The following DIAPH3 variants were observed in gnomAD, a reference collection of about 807,000 sequenced individuals.
DIAPH3 encodes the protein protein diaphanous homolog 3.
Under a neutral mutation model 144.3 loss-of-function variants are expected in DIAPH3, and 117 were observed. That is an observed-to-expected ratio of 0.81 (90% confidence interval 0.70 to 0.95). The LOEUF is 0.95. Among genes scored for constraint, DIAPH3 ranks in the 40% least tolerant of loss-of-function variants. The pLI, the probability that DIAPH3 is intolerant of heterozygous loss-of-function variation, is 0.00. For missense variants in DIAPH3, 1,421 were observed against 1,412.7 expected (o/e 1.01, Z -0.09); for synonymous variants, 519 against 488.9 (o/e 1.06, Z -0.81).
At chr13:59,697,956 T>C (rs1030086621) in intron 27 of DIAPH3, among the ~76,000 whole-genome samples, 6 of 152,372 alleles carry the variant, frequency 3.9e-5, no homozygotes, top group Admixed American at 3.9e-4. Context: ...TAGTTGCTTT[T>C]ACATTCAATT....
rs567660411 is a variant in DIAPH3, at chr13:59,983,165, A to C, written c.1480+604T>G. Among the ~76,000 whole-genome samples, 921 of 139,920 alleles carry C rather than the reference A, an allele frequency of 6.6e-3. 7 individuals carry two copies. The highest frequency in any genetic ancestry group is 0.012 in the Non-Finnish European group (758 of 64,392). 91.8% of individuals were successfully genotyped at this position (139,920 alleles called of 152,430 possible). On this transcript the variant is annotated intron_variant, in intron 13 of 27. Transcript: ENST00000400324. ...AAAAAAAAAAAAAAAAAAAACTCTCAAGTTATAGAAGCCATCGTCTGTATG... is the reference window on the plus strand; with the variant it reads ...AAAAAAAAAAAAAAAAAAAACTCTCCAGTTATAGAAGCCATCGTCTGTATG...
At chr13:59,741,299 G>C (rs964793858) in intron 27 of DIAPH3, among the ~76,000 whole-genome samples, 3 of 152,112 alleles carry the variant, frequency 2.0e-5, no homozygotes, top group African/African-American at 7.2e-5. Context: ...AAATCTGAGT[G>C]AATATCTATA....
intron 1 of DIAPH3, chr13:60,153,506 C>T (rs998838285): frequency 2.0e-5 from 3 of 152,100 alleles, no homozygotes; most frequent in Non-Finnish European, 4.4e-5. Context: ...CTGTGAACTC[C>T]TCAGTCTACA....
At chr13:60,005,461 C>A (rs986383558) in intron 9 of DIAPH3, among the ~76,000 whole-genome samples, 2 of 152,028 alleles carry the variant, frequency 1.3e-5, no homozygotes, top group South Asian at 2.1e-4. Context: ...TGTTAATATA[C>A]AAAAAATATT....
intron 17 of DIAPH3, among the ~76,000 whole-genome samples, chr13:59,946,027 A>G (rs1360177880): frequency 6.6e-6 from 1 of 152,228 alleles, no homozygotes; most frequent in Admixed American, 6.5e-5. Context: ...CATAGTGGAC[A>G]TAAAAAATAA....
intron 13 of DIAPH3, among the ~76,000 whole-genome samples, chr13:59,983,342 C>T (rs1479379283): frequency 6.6e-6 from 1 of 151,354 alleles, no homozygotes; most frequent in Non-Finnish European, 1.5e-5. Context: ...TGGTCATATG[C>T]AGCAGAAGTA....
At chr13:59,751,991 C>A (rs1297064754) in intron 27 of DIAPH3, among the ~76,000 whole-genome samples, 2 of 152,184 alleles carry the variant, frequency 1.3e-5, no homozygotes, top group East Asian at 3.8e-4. Flanking sequence ...ACAGGCAACA[C>A]AGGACAATGG....
chr13:60,149,893 A>T (rs930837374), intron 1 of DIAPH3, among the ~76,000 whole-genome samples: 1 of 152,138 alleles, frequency 6.6e-6, no homozygotes, highest in Non-Finnish European at 1.5e-5. Flanking sequence ...AAAAAATAAT[A>T]AATGTCATCA....
intron 21 of DIAPH3, among the ~76,000 whole-genome samples, chr13:59,863,222 T>C (rs2139943706): frequency 6.6e-6 from 1 of 152,100 alleles, no homozygotes. Context: ...GACTAATAGG[T>C]AATCTGGTAG....
chr13:60,089,652 T>C (rs1287843562), intron 4 of DIAPH3, among the ~76,000 whole-genome samples: 1 of 152,150 alleles, frequency 6.6e-6, no homozygotes, highest in African/African-American at 2.4e-5. Flanking sequence ...ATCACAGTCT[T>C]ACCTTCCAGC....
intron 24 of DIAPH3, among the ~76,000 whole-genome samples, chr13:59,812,227 GACAGTAACTC>G: frequency 6.6e-6 from 1 of 151,944 alleles, no homozygotes; most frequent in African/African-American, 2.4e-5. Context: ...GAGTAGAGGG[GACAGTAACTC>G]ATGCATGCAT....
chr13:59,958,218 T>C (rs1364641430), intron 17 of DIAPH3, among the ~76,000 whole-genome samples: 1 of 152,172 alleles, frequency 6.6e-6, no homozygotes, highest in Non-Finnish European at 1.5e-5. Context: ...AACATATATT[T>C]TCCATGTTGT....
chr13:59,677,058 C>T (rs1387621615), intron 27 of DIAPH3, among the ~76,000 whole-genome samples: 1 of 152,034 alleles, frequency 6.6e-6, no homozygotes, highest in Non-Finnish European at 1.5e-5. Context: ...TCTATGAAGG[C>T]AGGTATCTTG....
intron 27 of DIAPH3, among the ~76,000 whole-genome samples, chr13:59,744,561 T>C (rs139785318): frequency 6.6e-6 from 1 of 152,250 alleles, no homozygotes; most frequent in African/African-American, 2.4e-5. Context: ...AGTGTTAGTA[T>C]ATTTTATGTG....
intron 27 of DIAPH3, among the ~76,000 whole-genome samples, chr13:59,728,057 A>T (rs929597363): frequency 1.9e-5 from 1 of 51,620 alleles, no homozygotes; most frequent in Non-Finnish European, 4.4e-5. Flanking sequence ...GACCAGTCTG[A>T]CAGGGCATCA....
At chr13:59,714,318 C>CCACT (rs1259661473) in intron 27 of DIAPH3, among the ~76,000 whole-genome samples, 6 of 147,302 alleles carry the variant, frequency 4.1e-5, no homozygotes, top group African/African-American at 1.5e-4. Flanking sequence ...CGAGATCCCG[C>CCACT]CACTGCACTC....
intron 24 of DIAPH3, among the ~76,000 whole-genome samples, chr13:59,826,644 C>T (rs1566371748): frequency 6.6e-6 from 1 of 151,460 alleles, no homozygotes; most frequent in Non-Finnish European, 1.5e-5. Flanking sequence ...CCCCATCAAG[C>T]TACCAATGAC....
chr13:59,747,996 T>A (rs908023919), intron 27 of DIAPH3, among the ~76,000 whole-genome samples: 3 of 152,212 alleles, frequency 2.0e-5, no homozygotes, highest in African/African-American at 7.2e-5. Flanking sequence ...CAGAGCATGC[T>A]GCACCACTAA....
At chr13:60,038,939 A>G (rs1009338445) in intron 5 of DIAPH3, among the ~76,000 whole-genome samples, 1 of 152,156 alleles carries the variant, frequency 6.6e-6, no homozygotes, top group African/African-American at 2.4e-5. Context: ...GTATTCCATA[A>G]TTCAAACATA....
Sources: gnomAD v4.1 joint callset for allele counts (sites outside exome capture counted in the v4.1 genomes callset) on GRCh38, gnomAD v4.1.1 for gene constraint, MANE v1.5 for transcripts, NCBI Gene and HGNC (gene_info 2026-07-23, HGNC 2026-07-21) for gene names.